The following MACROH2A1 variants were observed in gnomAD, a reference collection of about 807,000 sequenced individuals.
MACROH2A1 encodes core histone macro-H2A.1.
In MACROH2A1, 2 loss-of-function variants were observed where a neutral mutation model predicts 31.6. That is an observed-to-expected ratio of 0.06 (90% confidence interval 0.03 to 0.20). The LOEUF is 0.20. Among genes scored for constraint, MACROH2A1 ranks in the 10% least tolerant of loss-of-function variants. The pLI, the probability that MACROH2A1 is intolerant of heterozygous loss-of-function variation, is 1.00. For missense variants in MACROH2A1, 230 were observed against 474.0 expected (o/e 0.49, Z 4.78); for synonymous variants, 169 against 189.6 (o/e 0.89, Z 0.89).
chr5:135,359,566 G>A (rs539727037), intron 5 of MACROH2A1: 2 of 984,608 alleles, frequency 2.0e-6, no homozygotes, highest in South Asian at 9.4e-5. Flanking sequence ...TGCAATTAGT[G>A]ACAGAAAGAG....
intron 4 of MACROH2A1, among the ~76,000 whole-genome samples, chr5:135,365,721 T>C (rs759380048): frequency 3.3e-5 from 5 of 152,252 alleles, no homozygotes; most frequent in African/African-American, 4.8e-5. Flanking sequence ...AAGTGAGTAA[T>C]AGCCAAAGCT....
At position 135,398,394 on chromosome 5, in the gene MACROH2A1, A is replaced by C. The variant is rs1284422469; in HGVS notation, c.-34+668T>G. On this transcript the variant is annotated intron_variant, in intron 1 of 8. Transcript: ENST00000511689. The surrounding 1 kb of genome is among the most constrained non-coding windows in gnomAD (Gnocchi z 4.6). Reference sequence around the variant, plus strand: ...AAACCCTTCCTACCACAAAGCAAACAAAAGGCTGATACCGAGACAATCGGG... The same window carrying C: ...AAACCCTTCCTACCACAAAGCAAACCAAAGGCTGATACCGAGACAATCGGG... 6.6e-6 allele frequency among the ~76,000 whole-genome samples: 1 copy of C among 152,156 alleles called. No homozygotes were observed.
intron 5 of MACROH2A1, chr5:135,358,141 T>G: frequency 1.0e-6 from 1 of 984,994 alleles, no homozygotes; most frequent in Middle Eastern, 5.2e-4. Context: ...TTCATGATTT[T>G]TGCCTTTTTT....
intron 2 of MACROH2A1, among the ~76,000 whole-genome samples, chr5:135,383,875 C>T (rs1339390566): frequency 2.0e-5 from 3 of 152,046 alleles, no homozygotes; most frequent in African/African-American, 7.3e-5. Context: ...TGGCCTGAAG[C>T]GTCAGTTAGT....
intron 2 of MACROH2A1, among the ~76,000 whole-genome samples, chr5:135,372,050 G>A (rs189206347): frequency 1.3e-3 from 195 of 152,306 alleles, no homozygotes; most frequent in African/African-American, 4.5e-3. Flanking sequence ...TGGGGGCAGG[G>A]GCGGGAGGAG....
Position 135,334,553 on chromosome 5 carries a change from A to G in MACROH2A1, c.*423T>C, listed in dbSNP as rs1758360794. 1 of 178,182 alleles carries G rather than the reference A, an allele frequency of 5.6e-6. No homozygotes were observed. The highest frequency in any genetic ancestry group is 6.1e-5 in the Admixed American group (1 of 16,524). 11.0% of individuals were successfully genotyped at this position (178,182 alleles called of 1,614,324 possible). The stretch of plus-strand genomic sequence containing the variant: ...AAATTCATGATTCTTCTGAGGGGGG[A>G]AACCAAAAGAACATTAGAGTAAAAA... On this transcript the variant is annotated 3_prime_UTR_variant, in exon 9 of 9. Transcript: ENST00000511689.
At chr5:135,390,296 A>C (rs1767038508) in intron 1 of MACROH2A1, among the ~76,000 whole-genome samples, 1 of 152,136 alleles carries the variant, frequency 6.6e-6, no homozygotes, top group African/African-American at 2.4e-5. Context: ...ACGTGTGCCC[A>C]TTCTCCCATC....
rs1417117734 is a variant in MACROH2A1 at position 135,369,526 on chromosome 5, T to A, written c.357A>T (p.Gly119=). Residue 119 remains glycine (G), a synonymous_variant, in exon 4 of 9, where the codon GGA becomes GGT. Coordinates refer to ENST00000511689, the MANE Select transcript of MACROH2A1 (RefSeq NM_138610.3). The surrounding 1 kb of genome is among the most constrained non-coding windows in gnomAD (Gnocchi z 4.3). ...TGATGGCTTCCAACTTTCCTTTGGA[T>A]CCCCGCTTCTTCGCTAGCAACTCGG... is the stretch of plus-strand genomic sequence containing the variant. ...IHPELLAKKR[G]SKGKLEAIIT... The A allele has an allele frequency of 6.2e-7, 1 of 1,613,996 alleles. No homozygotes were observed. Among genetic ancestry groups the A allele is most frequent in the Non-Finnish European group, 8.5e-7 (1 of 1,179,970 alleles).
chr5:135,343,118 T>A (rs1760188511), intron 8 of MACROH2A1, 142 bp downstream of exon 8: 4 of 1,558,440 alleles, frequency 2.6e-6, no homozygotes, highest in Non-Finnish European at 2.6e-6. Flanking sequence ...ATGTCTGCAT[T>A]CTTCCCTGTG....
rs57605717 is a variant in MACROH2A1 at position 135,351,543 on chromosome 5, ATTTTTTTTTTTTT to A, written c.688+1390_688+1402del. On this transcript the variant is annotated intron_variant, in intron 6 of 8. Coordinates refer to ENST00000511689, the MANE Select transcript of MACROH2A1 (RefSeq NM_138610.3). The stretch of plus-strand genomic sequence containing the variant: ...TAGCCTATCTTATTTTTATGGTTTA[ATTTTTTTTTTTTT>A]TTTTTTTTTTTTTTTTTTTTTTTTT... 7.4e-3 allele frequency: 360 copies of A among 48,488 alleles called. 3 individuals are homozygous for A. Among genetic ancestry groups the A allele is most frequent in the African/African-American group, 0.022 (291 of 13,004 alleles). The allele number at this position is 48,488 out of a possible 1,614,324, so 3.0% of individuals were successfully genotyped here. A position where few individuals can be genotyped will look rare whatever the true frequency, so the allele number is the denominator to read the frequency against.
intron 5 of MACROH2A1, chr5:135,353,246 A>G (rs1761793863): frequency 1.8e-6 from 1 of 549,104 alleles, no homozygotes; most frequent in South Asian, 2.3e-5. Flanking sequence ...GCAAACTAGG[A>G]TGAATGTTCA....
chr5:135,350,207 T>G (rs1357616855), intron 6 of MACROH2A1, among the ~76,000 whole-genome samples: 1 of 152,224 alleles, frequency 6.6e-6, no homozygotes, highest in African/African-American at 2.4e-5. Context: ...AGGTGCTTTC[T>G]GGGTCTAGGA....
At position 135,335,088 on chromosome 5, in the gene MACROH2A1, C is replaced by G. The variant is rs1758417643; in HGVS notation, c.1007G>C (p.Ser336Thr). The G allele has an allele frequency of 6.2e-7, 1 of 1,613,722 alleles. No individual in the cohort carries two copies. Among genetic ancestry groups the G allele is most frequent in the Non-Finnish European group, 8.5e-7 (1 of 1,179,718 alleles). ...AGAGGACATTGTAGACACGAAGTAA[C>G]TGGAGATGGCCTTCAGAATCAGCTG... The part of the protein sequence containing the change: ...AAQLILKAIS[S>T]YFVSTMSSSI... Residue 336 changes from serine (S) to threonine (T), a missense_variant, in exon 9 of 9, where the codon AGT becomes ACT. Coordinates refer to ENST00000511689, the MANE Select transcript of MACROH2A1 (RefSeq NM_138610.3).
intron 2 of MACROH2A1, among the ~76,000 whole-genome samples, chr5:135,373,225 T>C (rs1049686850): frequency 6.6e-6 from 1 of 152,062 alleles, no homozygotes; most frequent in Admixed American, 6.5e-5. Context: ...AGGGGAGGGA[T>C]GTGGTCTATA....
intron 1 of MACROH2A1, 181 bp from the exon 2 acceptor site, chr5:135,389,307 A>G (rs1405951025): frequency 2.4e-6 from 1 of 424,980 alleles, no homozygotes; most frequent in East Asian, 3.4e-5. Flanking sequence ...CTGAAAAGAA[A>G]GGCTTGGCTT....
At chr5:135,345,749 G>C (rs1760732297) in intron 7 of MACROH2A1, 6 of 516,200 alleles carry the variant, frequency 1.2e-5, no homozygotes, top group Non-Finnish European at 2.1e-5. Flanking sequence ...ACATATAGGA[G>C]CTATTTTAAG....
At chr5:135,386,993 G>A (rs1341332618) in intron 2 of MACROH2A1, among the ~76,000 whole-genome samples, 8 of 152,208 alleles carry the variant, frequency 5.3e-5, no homozygotes, top group Admixed American at 2.6e-4. Flanking sequence ...CTTCACAGCA[G>A]CCTGGAGTTG....
intron 5 of MACROH2A1, chr5:135,359,658 G>A: frequency 1.0e-6 from 1 of 985,126 alleles, no homozygotes; most frequent in South Asian, 4.7e-5. Flanking sequence ...GACAGTGAGG[G>A]TTTAAAAATG....
intron 2 of MACROH2A1, among the ~76,000 whole-genome samples, chr5:135,385,132 C>T (rs1210198652): frequency 6.6e-6 from 1 of 152,234 alleles, no homozygotes; most frequent in African/African-American, 2.4e-5. Flanking sequence ...CTCCATGTGG[C>T]ACATCCCATC....
Sources: allele counts gnomAD v4.1 joint callset (sites outside exome capture counted in the v4.1 genomes callset), GRCh38; gene constraint gnomAD v4.1.1; non-coding constraint Gnocchi (gnomAD v3.1); transcripts MANE v1.5; gene names NCBI Gene and HGNC (gene_info 2026-07-23, HGNC 2026-07-21).